The following PUS10 variants were observed in gnomAD, a reference collection of about 807,000 sequenced individuals.
The protein encoded by PUS10 is tRNA pseudouridine synthase Pus10.
In PUS10, 59 loss-of-function variants were observed where a neutral mutation model predicts 75.0. The observed-to-expected ratio is 0.79, with a 90% CI of 0.64 to 0.98. The LOEUF is 0.98. Among genes scored for constraint, PUS10 ranks in the 50% least tolerant of loss-of-function variants. The pLI, the probability that PUS10 is intolerant of heterozygous loss-of-function variation, is 0.00. For missense variants in PUS10, 650 were observed against 614.4 expected, an observed-to-expected ratio of 1.06 and a Z score of -0.61; for synonymous variants, 219 against 211.6, an observed-to-expected ratio of 1.03 and a Z score of -0.30.
intron 4 of PUS10, among the ~76,000 whole-genome samples, chr2:61,003,512 A>G (rs2564114): frequency 0.54 from 81,392 of 151,018 alleles, 25,302 homozygotes; most frequent in African/African-American, 0.85. Flanking sequence ...CGTAGAACCA[A>G]TAATATAGAT....
chr2:60,943,059 A>G (rs1674717813), intron 17 of PUS10, among the ~76,000 whole-genome samples: 1 of 146,806 alleles, frequency 6.8e-6, no homozygotes, highest in African/African-American at 2.5e-5. Flanking sequence ...AAAAAAAAGT[A>G]TTTATGGGTA....
intron 4 of PUS10, among the ~76,000 whole-genome samples, chr2:61,003,418 C>A (rs1053479265): frequency 2.0e-5 from 3 of 149,174 alleles, no homozygotes; most frequent in African/African-American, 7.5e-5. Flanking sequence ...GCAGAGACTG[C>A]GCCACTGCAC....
intron 4 of PUS10, among the ~76,000 whole-genome samples, chr2:60,980,067 G>C (rs1382488253): frequency 6.6e-6 from 1 of 152,176 alleles, no homozygotes; most frequent in Non-Finnish European, 1.5e-5. Flanking sequence ...AGTAGAAGCA[G>C]GGAGGGGGAT....
At chr2:60,954,749 A>T (rs913192854) in intron 12 of PUS10, among the ~76,000 whole-genome samples, 1 of 152,240 alleles carries the variant, frequency 6.6e-6, no homozygotes, top group Non-Finnish European at 1.5e-5. Context: ...TTGGAAAAAA[A>T]ATCAAGCACC....
intron 2 of PUS10, 128 bp downstream of exon 2, chr2:61,011,637 T>A: frequency 1.6e-6 from 1 of 643,590 alleles, no homozygotes; most frequent in Non-Finnish European, 2.4e-6. Context: ...ATCACTCATT[T>A]TATTATAGTT....
At chr2:61,004,353 G>C (rs186444146) in intron 4 of PUS10, among the ~76,000 whole-genome samples, 2 of 152,140 alleles carry the variant, frequency 1.3e-5, no homozygotes, top group Non-Finnish European at 2.9e-5. Context: ...GGCCAAGCAT[G>C]GTGGCTCACG....
At chr2:60,966,926 T>C (rs753781170) in intron 6 of PUS10, 1 of 152,368 alleles carries the variant, frequency 6.6e-6, no homozygotes, top group Non-Finnish European at 1.5e-5. Context: ...TTTTCACACC[T>C]GGAAGCCTGT....
At chr2:61,017,687 A>T (rs1573542065) in intron 1 of PUS10, 1 of 1,248,334 alleles carries the variant, frequency 8.0e-7, no homozygotes, top group Non-Finnish European at 1.1e-6. Context: ...GTTGTGTCTT[A>T]CGCTCCAGGT....
intron 15 of PUS10, among the ~76,000 whole-genome samples, chr2:60,950,288 C>A (rs1421759842): frequency 6.6e-6 from 1 of 152,096 alleles, no homozygotes; most frequent in African/African-American, 2.4e-5. Flanking sequence ...CTGCACTTTG[C>A]TTTTTTTCTC....
intron 14 of PUS10, 76 bp downstream of exon 14, chr2:60,953,857 C>A: frequency 9.4e-7 from 1 of 1,069,434 alleles, no homozygotes; most frequent in Non-Finnish European, 1.4e-6. Context: ...ATTCTGGATG[C>A]AATTCCCTTA....
chr2:61,005,518 CTATT>C (rs1679153299), intron 4 of PUS10, among the ~76,000 whole-genome samples: 1 of 152,028 alleles, frequency 6.6e-6, no homozygotes, highest in Non-Finnish European at 1.5e-5. Flanking sequence ...CTTCTTATTC[CTATT>C]TGTTTCTCAA....
At chr2:61,007,675 A>G (rs1258887365) in intron 3 of PUS10, among the ~76,000 whole-genome samples, 5 of 150,890 alleles carry the variant, frequency 3.3e-5, no homozygotes, top group Non-Finnish European at 5.9e-5. Flanking sequence ...AGGCTGAGGC[A>G]AGAGAATCAT....
intron 15 of PUS10, among the ~76,000 whole-genome samples, chr2:60,948,981 T>G (rs983643482): frequency 1.3e-5 from 2 of 152,190 alleles, no homozygotes; most frequent in Non-Finnish European, 2.9e-5. Flanking sequence ...CCATGGTTCT[T>G]GAGTGCCGGA....
At position 61,017,994 on chromosome 2, in the gene PUS10, G is replaced by A. The variant is rs1313364006; in HGVS notation, c.-16+14C>T. ...CCTTGGGGATAGGGGCCGAGGTGGA[G>A]CTGGGGCGCTTACCAGTGGGGACTT... On this transcript the variant is annotated intron_variant, in intron 1 of 17. Transcript: ENST00000316752. 3.0e-6 allele frequency: 4 copies of A among 1,321,038 alleles called. No homozygotes were observed. Among genetic ancestry groups the A allele is most frequent in the Non-Finnish European group, 3.1e-6 (3 of 971,718 alleles). The allele number at this position is 1,321,038 out of a possible 1,614,324, so 81.8% of individuals were successfully genotyped here.
Position 61,008,772 on chromosome 2 carries a change from A to C in PUS10, c.370T>G (p.Phe124Val). 1 of 1,577,562 alleles carries C rather than the reference A, an allele frequency of 6.3e-7. No homozygotes were observed. Among genetic ancestry groups the C allele is most frequent in the Non-Finnish European group, 8.6e-7 (1 of 1,160,304 alleles). ...AACAGGTTATTTACCTTTTTAATGA[A>C]ATCTTTCTCACAGAATTCTTGAAGA... Reference protein sequence around the residue: ...GILQEFCEKDFIKKVCQKVEA... With the variant: ...GILQEFCEKDVIKKVCQKVEA... The change falls in exon 3 of 18, where the codon TTC becomes GTC. Residue 124 changes from phenylalanine to valine, a missense_variant. Coordinates refer to ENST00000316752, the MANE Select transcript of PUS10 (RefSeq NM_144709.4).
intron 6 of PUS10, chr2:60,966,246 T>G (rs1384653524): frequency 6.6e-6 from 1 of 152,106 alleles, no homozygotes; most frequent in Non-Finnish European, 1.5e-5. Context: ...AACATCCTTG[T>G]ACACCAAAAA....
chr2:60,992,570 C>T (rs1446973225), intron 4 of PUS10, among the ~76,000 whole-genome samples: 1 of 152,164 alleles, frequency 6.6e-6, no homozygotes, highest in East Asian at 1.9e-4. Context: ...ACACCCCAGC[C>T]TCACAGAAAA....
chr2:61,000,485 G>A (rs1418529488), intron 4 of PUS10, among the ~76,000 whole-genome samples: 1 of 152,118 alleles, frequency 6.6e-6, no homozygotes, highest in Non-Finnish European at 1.5e-5. Flanking sequence ...TTAAAATCAA[G>A]GTGCCAGCAG....
intron 4 of PUS10, among the ~76,000 whole-genome samples, chr2:61,004,399 C>A (rs775050086): frequency 3.3e-5 from 5 of 152,030 alleles, no homozygotes; most frequent in Non-Finnish European, 4.4e-5. Flanking sequence ...CCAAGGCGGG[C>A]AGATCATGAG....
Sources: gnomAD v4.1 joint callset for allele counts (sites outside exome capture counted in the v4.1 genomes callset) on GRCh38, gnomAD v4.1.1 for gene constraint, MANE v1.5 for transcripts, NCBI Gene and HGNC (gene_info 2026-07-23, HGNC 2026-07-21) for gene names.